Variants in KLF17 observed in about 807,000 individuals in gnomAD.
The protein encoded by KLF17 is Krueppel-like factor 17.
Under a neutral mutation model 34.2 loss-of-function variants are expected in KLF17, and 31 were observed. The observed-to-expected ratio is 0.91, with a 90% CI of 0.68 to 1.22. KLF17 has a LOEUF of 1.22. Ranked by LOEUF, KLF17 falls within the 50% of genes most tolerant of loss-of-function variation. KLF17 has a pLI of 0.00. For synonymous variants in KLF17, 179 were observed against 186.7 expected, an observed-to-expected ratio of 0.96 and a Z score of 0.34; for missense variants, 478 against 505.2, an observed-to-expected ratio of 0.95 and a Z score of 0.52.
chr1:44,103,459 C>G, the KLF17 span: 292,518 of 836,448 alleles, frequency 0.35, 52,282 homozygotes, highest in Middle Eastern at 0.4. Flanking sequence ...GAGCCCAGAC[C>G]GTAGCTGAGG....
chr1:44,093,664 G>A, the KLF17 span, among the ~76,000 whole-genome samples: 2 of 152,118 alleles, frequency 1.3e-5, no homozygotes, highest in Non-Finnish European at 2.9e-5. Context: ...CAAAGTGCTG[G>A]GATTACAGGT....
At chr1:44,095,867 T>C in the KLF17 span, among the ~76,000 whole-genome samples, 3 of 152,120 alleles carry the variant, frequency 2.0e-5, no homozygotes, top group Admixed American at 1.3e-4. Context: ...GTTTGTATGC[T>C]GATTTTATAT....
At position 44,127,656 on chromosome 1, in the gene KLF17, TTC is replaced by T. The variant is rs1346910450; in HGVS notation, c.82-1695_82-1694del. Among the ~76,000 whole-genome samples the T allele has an allele frequency of 2.1e-3, 83 of 39,042 alleles. 1 individual carries two copies. The East Asian group carries it at 0.028, about 13-fold the overall frequency. 25.6% of individuals were successfully genotyped at this position (39,042 alleles called of 152,430 possible). On this transcript the variant is annotated intron_variant, in intron 1 of 3. Transcript: ENST00000372299. The stretch of plus-strand genomic sequence containing the variant: ...TTTCTTTCCTTCTTTCTTTCTTTCT[TTC>T]TTTCTTTCTTTCTTTCTTTCTTTCT...
the KLF17 span, among the ~76,000 whole-genome samples, chr1:44,091,623 G>A: frequency 1.7e-5 from 2 of 115,220 alleles, no homozygotes; most frequent in Non-Finnish European, 3.3e-5. Context: ...GCCACTGCAT[G>A]AGACTCCATC....
the KLF17 span, among the ~76,000 whole-genome samples, chr1:44,111,463 G>GTTTTT: frequency 9.7e-4 from 88 of 90,372 alleles, no homozygotes; most frequent in African/African-American, 1.9e-3. Context: ...TTTGCAACTT[G>GTTTTT]TTTTTTTTTT....
the KLF17 span, among the ~76,000 whole-genome samples, chr1:44,071,057 A>G: frequency 1.3e-5 from 2 of 152,114 alleles, no homozygotes; most frequent in South Asian, 2.1e-4. Flanking sequence ...ACCCCCTGCA[A>G]CTTCAGACAC....
chr1:44,104,501 C>G, the KLF17 span: 2 of 755,524 alleles, frequency 2.6e-6, no homozygotes, highest in South Asian at 1.4e-5. Context: ...TCTGCTCCTT[C>G]TCCTGGGTGC....
chr1:44,088,942 T>C, the KLF17 span, among the ~76,000 whole-genome samples: 1 of 152,130 alleles, frequency 6.6e-6, no homozygotes, highest in African/African-American at 2.4e-5. Context: ...AGTGGCTGAC[T>C]TAGTGGATAA....
rs535859731 is a variant in KLF17, at chr1:44,118,826, G to T, written c.-82G>T. 146 of 1,028,046 alleles carry T rather than the reference G, an allele frequency of 1.4e-4. 1 individual carries two copies. Among genetic ancestry groups the T allele is most frequent in the Admixed American group, 2.7e-4 (10 of 36,708 alleles). 63.7% of individuals were successfully genotyped at this position (1,028,046 alleles called of 1,614,324 possible). On this transcript the variant is annotated 5_prime_UTR_variant, in exon 1 of 4. Coordinates refer to ENST00000372299, the MANE Select transcript of KLF17 (RefSeq NM_173484.4). ...AAATAGAAGGTGATTGTGGCGTGGC[G>T]ATGTACCGATACCCGCCTGCGACGC...
chr1:44,088,915 G>T, the KLF17 span, among the ~76,000 whole-genome samples: 486 of 152,272 alleles, frequency 3.2e-3, 3 homozygotes, highest in African/African-American at 0.011. Context: ...AAAATCTAGG[G>T]TATGACTATG....
the KLF17 span, among the ~76,000 whole-genome samples, chr1:44,099,264 C>T: frequency 5.9e-5 from 9 of 151,372 alleles, no homozygotes; most frequent in Admixed American, 2.6e-4. Flanking sequence ...ATTAGCCAGG[C>T]GTGGTGGCTC....
chr1:44,099,425 T>A, the KLF17 span, among the ~76,000 whole-genome samples: 3 of 151,852 alleles, frequency 2.0e-5, no homozygotes, highest in African/African-American at 7.3e-5. Flanking sequence ...TAAATATTTT[T>A]AAAAAGAAAA....
chr1:44,094,091 C>G, the KLF17 span, among the ~76,000 whole-genome samples: 3 of 152,130 alleles, frequency 2.0e-5, no homozygotes, highest in African/African-American at 7.2e-5. Context: ...TTTTCATATA[C>G]CACGATTTTG....
At chr1:44,122,607 T>C (rs2154311468) in intron 1 of KLF17, 2 of 692,966 alleles carry the variant, frequency 2.9e-6, no homozygotes. Flanking sequence ...TTTTGGTTTT[T>C]TTTTTGAGAT....
chr1:44,109,381 C>G, the KLF17 span, among the ~76,000 whole-genome samples: 1 of 152,144 alleles, frequency 6.6e-6, no homozygotes, highest in Non-Finnish European at 1.5e-5. Context: ...AAAACAAAAA[C>G]CTTTTTCATA....
upstream of KLF17, chr1:44,115,887 T>C (rs2087875479): frequency 6.6e-6 from 1 of 152,242 alleles, no homozygotes; most frequent in Admixed American, 6.5e-5. Context: ...ATTTTATGTA[T>C]TTATTTTATG....
chr1:44,078,516 C>A, the KLF17 span, among the ~76,000 whole-genome samples: 1 of 151,346 alleles, frequency 6.6e-6, no homozygotes, highest in African/African-American at 2.4e-5. Flanking sequence ...CGGCTCACTG[C>A]AACCTCCGCC....
chr1:44,129,567 G>A lies in KLF17; in HGVS notation c.296G>A (p.Ser99Asn). ...ATGCCACTGCCTGAGCGTGGTATGA[G>A]CTACTGCCCCCAAGCGACTCTCACT... is the stretch of plus-strand genomic sequence containing the variant. ...FSMPLPERGM[S>N]YCPQATLTPS... The change falls in exon 2 of 4, where the codon AGC becomes AAC. Residue 99 changes from serine to asparagine, a missense_variant. Transcript: ENST00000372299. 6.2e-7 allele frequency: 1 copy of A among 1,614,026 alleles called. No individual in the cohort carries two copies. The highest frequency in any genetic ancestry group is 2.2e-5 in the East Asian group (1 of 44,876).
Position 44,130,697 on chromosome 1 carries a change from G to T in KLF17, c.1111G>T (p.Asp371Tyr). ...HQKTHRPGPS[D>Y]PQANNNNGEQ... is the part of the protein sequence containing the mutation. ...GAAGACTCATCGGCCGGGACCCTCAGACCCACAGGCCAACAACAACAATGG... is the reference window on the plus strand; with the variant it reads ...GAAGACTCATCGGCCGGGACCCTCATACCCACAGGCCAACAACAACAATGG... Residue 371 changes from aspartate to tyrosine, a missense_variant, in exon 3 of 4, where the codon GAC (aspartate) becomes TAC (tyrosine). Physicochemically the swap from Asp to Tyr is radical, Grantham distance 160 (BLOSUM62 -3). Coordinates refer to ENST00000372299, the MANE Select transcript of KLF17 (RefSeq NM_173484.4). 1 of 1,609,534 alleles carries T rather than the reference G, an allele frequency of 6.2e-7. No individual in the cohort carries two copies. The highest frequency in any genetic ancestry group is 8.5e-7 in the Non-Finnish European group (1 of 1,178,316).
Sources: gnomAD v4.1 joint callset for allele counts (sites outside exome capture counted in the v4.1 genomes callset) on GRCh38, gnomAD v4.1.1 for gene constraint, MANE v1.5 for transcripts, NCBI Gene and HGNC (gene_info 2026-07-23, HGNC 2026-07-21) for gene names.